VPS51: variants seen among roughly 807,000 people sequenced by gnomAD.
The protein encoded by VPS51 is vacuolar protein sorting-associated protein 51 homolog.
A neutral mutation model predicts 65.1 loss-of-function variants in VPS51; 55 were observed. The observed-to-expected ratio is 0.84, with a 90% CI of 0.68 to 1.06. The LOEUF (loss-of-function observed/expected upper bound fraction) is 1.06, where lower values mean the gene tolerates loss of function less well. Ranked by LOEUF, VPS51 falls within the 50% of genes least tolerant of loss-of-function variation. The probability of loss-of-function intolerance (pLI) is 0.00; values close to 1 mark genes in which losing one functional copy is unlikely to be tolerated. For synonymous variants in VPS51, 473 were observed against 489.5 expected (o/e 0.97, Z 0.44); for missense variants, 943 against 1,101.6 (o/e 0.86, Z 2.04).
chr11:65,099,409 TAG>T (rs1947793218), intron 2 of VPS51, among the ~76,000 whole-genome samples: 1 of 152,134 alleles, frequency 6.6e-6, no homozygotes, highest in Admixed American at 6.5e-5. Flanking sequence ...CAGAATGTAT[TAG>T]GGATTTGGCT....
At chr11:65,096,512 A>AGGGGGGGGGGGGGGGT (rs1565307540) in intron 1 of VPS51, 34 bp downstream of exon 1, 1 of 440,852 alleles carries the variant, frequency 2.3e-6, no homozygotes, top group Non-Finnish European at 3.9e-6. Flanking sequence ...GGGTGCGGGG[A>AGGGGGGGGGGGGGGGT]GGGGGGAAGG....
rs901666528 is a variant in VPS51, at chr11:65,111,540, G to A, written c.2302G>A (p.Val768Met). Reference protein sequence around the residue: ...ASAALRCPDPVPMEPSVVEVI... With the variant: ...ASAALRCPDPMPMEPSVVEVI... The stretch of plus-strand genomic sequence containing the variant: ...TGCTGCCCTGCGCTGCCCAGACCCT[G>A]TGCCCATGGAGCCCAGTGTGGTTGA... Residue 768 changes from valine (V) to methionine (M), a missense_variant, in exon 10 of 10, where the codon GTG (valine) becomes ATG (methionine). Physicochemically the swap from Val to Met is conservative, Grantham distance 21 (BLOSUM62 1). Coordinates refer to ENST00000279281, the MANE Select transcript of VPS51 (RefSeq NM_013265.4). 13 of 1,612,224 alleles carry A rather than the reference G, an allele frequency of 8.1e-6. No homozygotes were observed. The highest frequency in any genetic ancestry group is 3.3e-5 in the Admixed American group (2 of 60,004).
intron 2 of VPS51, among the ~76,000 whole-genome samples, chr11:65,103,820 C>T (rs983244333): frequency 2.6e-5 from 4 of 151,870 alleles, no homozygotes; most frequent in African/African-American, 9.7e-5. Flanking sequence ...AAGAGAATAC[C>T]TCTTTCAATC....
In VPS51 at chr11:65,109,713, C is replaced by T. The variant is rs139872576; in HGVS notation, c.1668C>T (p.Phe556=). The part of the protein sequence containing the change: ...TDEQFLVQDQ[F]PVTPVSTLCA... ...CTGCCTCCTTGGCTCAGGATCAGTT[C>T]CCAGTGACGCCCGTGAGCACGCTGT... The change falls in exon 7 of 10, where the codon TTC becomes TTT. Residue 556 remains phenylalanine (F), a synonymous_variant. Transcript: ENST00000279281. 9.6e-5 allele frequency: 150 copies of T among 1,568,788 alleles called. No homozygotes were observed. The East Asian group carries it at 3.5e-3, about 36-fold the overall frequency.
rs768995986 is a variant in VPS51 at position 65,108,075 on chromosome 11, T to A, written c.725+53T>A. ...GCTCCCGCCAGCCCCGAGCCCCATCTGTGCCCGGCTCCTGGGCCCTCCTGG... is the reference window on the plus strand; with the variant it reads ...GCTCCCGCCAGCCCCGAGCCCCATCAGTGCCCGGCTCCTGGGCCCTCCTGG... On this transcript the variant is annotated intron_variant, in intron 4 of 9. Coordinates refer to ENST00000279281, the MANE Select transcript of VPS51 (RefSeq NM_013265.4). The A allele has an allele frequency of 1.5e-4, 222 of 1,491,672 alleles. 2 individuals are homozygous for A. Among genetic ancestry groups the A allele is most frequent in the South Asian group, 4.5e-4 (35 of 77,512 alleles). 92.4% of individuals were successfully genotyped at this position (1,491,672 alleles called of 1,614,324 possible). A position where few individuals can be genotyped will look rare whatever the true frequency, so the allele number is the denominator to read the frequency against.
chr11:65,109,221 A>C lies in VPS51; in HGVS notation c.1444-59A>C, dbSNP rs1170031983. On this transcript the variant is annotated intron_variant, in intron 5 of 9. Coordinates refer to ENST00000279281, the MANE Select transcript of VPS51 (RefSeq NM_013265.4). ...GCACTTAGAGCCCCAGCAGAGGGTC[A>C]TTAACAGCCTTACCTGGAAGAGGGG... 11 of 1,559,954 alleles carry C rather than the reference A, an allele frequency of 7.1e-6. No homozygotes were observed. In the Admixed American group the frequency reaches 8.6e-5, roughly 12 times the overall value.
rs1324911574 is a variant in VPS51 at position 65,111,384 on chromosome 11, C to T, written c.2146C>T (p.Arg716Trp). 1 of 1,612,038 alleles carries T rather than the reference C, an allele frequency of 6.2e-7. No homozygotes were observed. Among genetic ancestry groups the T allele is most frequent in the Non-Finnish European group, 8.5e-7 (1 of 1,180,024 alleles). ...CCTGAAGACGCTGCTGGAGTGTGTG[C>T]GGCTGCGCACCTTTGGGCGCTTCGG... The part of the protein sequence containing the change: ...ISLKTLLECV[R>W]LRTFGRFGLQ... Residue 716 changes from arginine (R) to tryptophan (W), a missense_variant, in exon 10 of 10, where the codon CGG (arginine) becomes TGG (tryptophan). Transcript: ENST00000279281.
rs1257905828 is a variant in VPS51, at chr11:65,103,234, G to A, written c.359-4347G>A. Among the ~76,000 whole-genome samples, 3 of 152,144 alleles carry A rather than the reference G, an allele frequency of 2.0e-5. No individual in the cohort carries two copies. The South Asian group carries it at 6.2e-4, about 32-fold the overall frequency. On this transcript the variant is annotated intron_variant, in intron 2 of 9. Coordinates refer to ENST00000279281, the MANE Select transcript of VPS51 (RefSeq NM_013265.4). ...ATCACCATGCCTGTAGACAGAGCAA[G>A]ACCCTATCTCAAGCAAAGAAACTCA...
intron 2 of VPS51, among the ~76,000 whole-genome samples, chr11:65,102,499 C>A (rs1161618841): frequency 6.6e-6 from 1 of 152,188 alleles, no homozygotes; most frequent in Non-Finnish European, 1.5e-5. Flanking sequence ...ATTTTCCTAA[C>A]AACTTAGTGT....
chr11:65,107,357 G>A lies in VPS51; in HGVS notation c.359-224G>A. 3 of 635,828 alleles carry A rather than the reference G, an allele frequency of 4.7e-6. No homozygotes were observed. The highest frequency in any genetic ancestry group is 8.5e-6 in the Non-Finnish European group (3 of 354,830). The allele number at this position is 635,828 out of a possible 1,614,324, so 39.4% of individuals were successfully genotyped here. Reference sequence around the variant, plus strand: ...GGCTCTCCTGGGCACCAGGGTTAGGGGGTTACGGGGAGTATGTGAGTAACG... The same window carrying A: ...GGCTCTCCTGGGCACCAGGGTTAGGAGGTTACGGGGAGTATGTGAGTAACG... On this transcript the variant is annotated intron_variant, in intron 2 of 9. Transcript: ENST00000279281. The surrounding 1 kb of genome is among the most constrained non-coding windows in gnomAD (Gnocchi z 4.0).
intron 8 of VPS51, 39 bp from the exon 9 acceptor site, chr11:65,110,655 T>G (rs1590814439): frequency 1.9e-6 from 3 of 1,614,038 alleles, no homozygotes; most frequent in Non-Finnish European, 2.5e-6. Context: ...AGGGCGAGGG[T>G]GCAGGGCGGG....
In VPS51 at chr11:65,107,472, C is replaced by T. The variant is rs1203198257; in HGVS notation, c.359-109C>T. 2.2e-6 allele frequency: 3 copies of T among 1,393,346 alleles called. No homozygotes were observed. The Admixed American group carries it at 6.8e-5, about 31-fold the overall frequency. 86.3% of individuals were successfully genotyped at this position (1,393,346 alleles called of 1,614,324 possible). On this transcript the variant is annotated intron_variant, in intron 2 of 9. Coordinates refer to ENST00000279281, the MANE Select transcript of VPS51 (RefSeq NM_013265.4). This position sits in a 1 kb window ranked among gnomAD's most constrained non-coding sequence, Gnocchi z 4.0. ...TCCTTTCTCTGGAATCATCCATGCG[C>T]CCCTGGAGCAAGCTGGGGCGTCTGT...
At chr11:65,110,979 T>C (rs1230066879) in intron 9 of VPS51, 198 bp downstream of exon 9, 1 of 689,038 alleles carries the variant, frequency 1.5e-6, no homozygotes, top group Non-Finnish European at 2.5e-6. Context: ...GTCCCAGTCT[T>C]GGTGTATGCC....
intron 2 of VPS51, among the ~76,000 whole-genome samples, chr11:65,098,103 C>T (rs879479780): frequency 4.6e-5 from 7 of 152,068 alleles, no homozygotes; most frequent in Non-Finnish European, 7.4e-5. Flanking sequence ...ATCACTTGAA[C>T]CTGGGAGGTG....
chr11:65,096,667 A>C (rs1947772257), intron 1 of VPS51, 189 bp downstream of exon 1: 2 of 638,400 alleles, frequency 3.1e-6, no homozygotes, highest in East Asian at 2.8e-5. Flanking sequence ...GTAGGACTGG[A>C]CTGGCCTGAG....
Position 65,107,677 on chromosome 11 carries a change from G to A in VPS51, c.455G>A (p.Arg152His). The A allele has an allele frequency of 2.5e-6, 4 of 1,609,698 alleles. No homozygotes were observed. Among genetic ancestry groups the A allele is most frequent in the Non-Finnish European group, 3.4e-6 (4 of 1,177,158 alleles). Residue 152 changes from arginine to histidine, a missense_variant, in exon 3 of 10, where the codon CGC becomes CAC. Physicochemically the swap from Arg to His is conservative, Grantham distance 29 (BLOSUM62 0). Coordinates refer to ENST00000279281, the MANE Select transcript of VPS51 (RefSeq NM_013265.4). The surrounding 1 kb of genome is among the most constrained non-coding windows in gnomAD (Gnocchi z 4.0). ...GCAGTGATCACCGACTTCAGCGCTC[G>A]CATCAGCGCCACGCTGCAGGACCGC... ...NMAVITDFSA[R>H]ISATLQDRHE...
intron 2 of VPS51, among the ~76,000 whole-genome samples, chr11:65,106,172 G>T (rs190830747): frequency 0.011 from 1,720 of 152,356 alleles, 29 homozygotes; most frequent in Middle Eastern, 0.014. Context: ...TTGGACAAGA[G>T]ATGATAGTGG....
intron 1 of VPS51, 27 bp downstream of exon 1, chr11:65,096,505 T>TTGGGGGGGGGG: frequency 2.7e-6 from 1 of 371,836 alleles, no homozygotes; most frequent in Non-Finnish European, 4.6e-6. Flanking sequence ...AGTGGGGGGG[T>TTGGGGGGGGGG]GCGGGGAGGG....
chr11:65,104,779 C>T (rs78110994), intron 2 of VPS51, among the ~76,000 whole-genome samples: 3,033 of 152,204 alleles, frequency 0.02, 112 homozygotes, highest in African/African-American at 0.067. Context: ...GAGCTGTTCT[C>T]GTTTCTCTGC....
Sources: allele counts gnomAD v4.1 joint callset (sites outside exome capture counted in the v4.1 genomes callset), GRCh38; gene constraint gnomAD v4.1.1; non-coding constraint Gnocchi (gnomAD v3.1); transcripts MANE v1.5; gene names NCBI Gene and HGNC (gene_info 2026-07-23, HGNC 2026-07-21).